Variants in FSTL5 observed in about 807,000 individuals in gnomAD.
FSTL5 encodes follistatin like 5.
A neutral mutation model predicts 89.1 loss-of-function variants in FSTL5; 62 were observed. The ratio of observed to expected loss-of-function variants is 0.70; its 90% confidence interval spans 0.57 to 0.86. The LOEUF (loss-of-function observed/expected upper bound fraction) is 0.86, where lower values mean the gene tolerates loss of function less well. Among genes scored for constraint, FSTL5 ranks in the 40% least tolerant of loss-of-function variants. The probability of loss-of-function intolerance (pLI) is 0.00; values close to 1 mark genes in which losing one functional copy is unlikely to be tolerated. For synonymous variants in FSTL5, 383 were observed against 346.2 expected, an observed-to-expected ratio of 1.11 and a Z score of -1.18; for missense variants, 1,057 against 1,001.6, an observed-to-expected ratio of 1.06 and a Z score of -0.75.
intron 3 of FSTL5, among the ~76,000 whole-genome samples, chr4:161,993,781 T>C (rs1205824589): frequency 6.6e-6 from 1 of 152,136 alleles, no homozygotes; most frequent in African/African-American, 2.4e-5. Context: ...TTATTTTCAT[T>C]TGATTTTTAG....
intron 9 of FSTL5, among the ~76,000 whole-genome samples, chr4:161,540,044 T>C (rs1731765632): frequency 9.9e-5 from 15 of 152,114 alleles, no homozygotes; most frequent in Admixed American, 9.2e-4. Flanking sequence ...ATATGTCCCA[T>C]TGTCTTTCCT....
At chr4:161,725,516 T>C (rs1474440163) in intron 6 of FSTL5, among the ~76,000 whole-genome samples, 1 of 151,494 alleles carries the variant, frequency 6.6e-6, no homozygotes, top group Non-Finnish European at 1.5e-5. Context: ...TAAAATATTA[T>C]GAAATATATA....
intron 3 of FSTL5, among the ~76,000 whole-genome samples, chr4:161,929,715 C>T (rs1392067519): frequency 1.4e-5 from 2 of 142,460 alleles, no homozygotes; most frequent in Admixed American, 7.1e-5. Flanking sequence ...ATAGTTTAAA[C>T]TTGGAAATTA....
intron 3 of FSTL5, among the ~76,000 whole-genome samples, chr4:161,973,721 G>A (rs1299966559): frequency 6.6e-6 from 1 of 152,180 alleles, no homozygotes; most frequent in South Asian, 2.1e-4. Flanking sequence ...TTGATGACAA[G>A]AGAGTGGAAA....
chr4:161,813,231 G>C (rs1354802551), intron 4 of FSTL5, among the ~76,000 whole-genome samples: 1 of 151,896 alleles, frequency 6.6e-6, no homozygotes, highest in Non-Finnish European at 1.5e-5. Context: ...GGGTTTCACC[G>C]TGTTAGCAAG....
At chr4:161,568,129 T>C (rs1390122100) in intron 8 of FSTL5, among the ~76,000 whole-genome samples, 1 of 151,938 alleles carries the variant, frequency 6.6e-6, no homozygotes, top group Non-Finnish European at 1.5e-5. Context: ...AGTCCATATT[T>C]GCCATATATC....
chr4:161,842,594 C>A (rs1172528244), intron 4 of FSTL5, among the ~76,000 whole-genome samples: 1 of 151,952 alleles, frequency 6.6e-6, no homozygotes, highest in African/African-American at 2.4e-5. Flanking sequence ...TAATAATTTC[C>A]TATGTCCCAA....
At chr4:161,638,958 C>G (rs11732529) in intron 7 of FSTL5, among the ~76,000 whole-genome samples, 26,594 of 144,228 alleles carry the variant, frequency 0.18, 2,665 homozygotes, top group East Asian at 0.35. Flanking sequence ...ACCCTTCATG[C>G]TAAAAACTCT....
chr4:161,474,474 T>A (rs1466805649), intron 13 of FSTL5, among the ~76,000 whole-genome samples: 1 of 152,078 alleles, frequency 6.6e-6, no homozygotes, highest in African/African-American at 2.4e-5. Context: ...TATTAGATTT[T>A]GTGATTGTCC....
In FSTL5 at chr4:161,499,031, G is replaced by A. The variant is rs115807319; in HGVS notation, c.1458+985C>T. 4.5e-3 allele frequency among the ~76,000 whole-genome samples: 682 copies of A among 151,966 alleles called. 9 individuals are homozygous for A. The highest frequency in any genetic ancestry group is 0.014 in the African/African-American group (588 of 41,460). Reference sequence around the variant, plus strand: ...CTGGCCAACATGGTGAAACCACCACGTCTCTATGAAAAATACAGAAATTAG... The same window carrying A: ...CTGGCCAACATGGTGAAACCACCACATCTCTATGAAAAATACAGAAATTAG... On this transcript the variant is annotated intron_variant, in intron 12 of 15. Transcript: ENST00000306100.
At chr4:161,553,144 T>A (rs1189775442) in intron 8 of FSTL5, among the ~76,000 whole-genome samples, 1 of 151,646 alleles carries the variant, frequency 6.6e-6, no homozygotes, top group Non-Finnish European at 1.5e-5. Context: ...TAATTCCATA[T>A]GATATTTGAT....
intron 1 of FSTL5, among the ~76,000 whole-genome samples, chr4:162,143,840 A>G (rs1732860025): frequency 2.6e-5 from 4 of 151,268 alleles, no homozygotes; most frequent in Admixed American, 2.6e-4. Context: ...ACACGGCAGG[A>G]AAAAAAATAC....
chr4:161,932,035 C>T (rs148421408), intron 3 of FSTL5, among the ~76,000 whole-genome samples: 4 of 151,774 alleles, frequency 2.6e-5, no homozygotes, highest in East Asian at 1.9e-4. Flanking sequence ...TTTAGAGTAA[C>T]GGTTCTAATT....
chr4:162,076,856 A>G (rs1372866869), intron 2 of FSTL5, among the ~76,000 whole-genome samples: 1 of 151,826 alleles, frequency 6.6e-6, no homozygotes. Context: ...ATTGAACCAT[A>G]TAGGTTGCTG....
intron 2 of FSTL5, among the ~76,000 whole-genome samples, chr4:162,060,468 G>A (rs73861049): frequency 0.11 from 16,701 of 151,808 alleles, 975 homozygotes; most frequent in East Asian, 0.25. Context: ...GTCTATCTAA[G>A]CTTCAAAATT....
intron 1 of FSTL5, among the ~76,000 whole-genome samples, chr4:162,141,553 G>C (rs1320451197): frequency 6.6e-6 from 1 of 152,150 alleles, no homozygotes; most frequent in Non-Finnish European, 1.5e-5. Flanking sequence ...CTGTAGAACC[G>C]TAAGCCAAAT....
intron 15 of FSTL5, among the ~76,000 whole-genome samples, chr4:161,434,588 A>T (rs1324292407): frequency 6.6e-6 from 1 of 152,114 alleles, no homozygotes; most frequent in Non-Finnish European, 1.5e-5. Flanking sequence ...ATCAAATTAA[A>T]AAGCTTCTGC....
chr4:161,525,210 C>G (rs1731175776), intron 10 of FSTL5, among the ~76,000 whole-genome samples: 1 of 152,134 alleles, frequency 6.6e-6, no homozygotes, highest in African/African-American at 2.4e-5. Context: ...GAAAGGACTT[C>G]AAGACTTTCT....
chr4:162,069,415 G>A, intron 2 of FSTL5, among the ~76,000 whole-genome samples: 1 of 151,538 alleles, frequency 6.6e-6, no homozygotes, highest in East Asian at 2.0e-4. Context: ...TTCTCTTTTA[G>A]GTATTTTAAA....
Sources: allele counts gnomAD v4.1 joint callset (sites outside exome capture counted in the v4.1 genomes callset), GRCh38; gene constraint gnomAD v4.1.1; transcripts MANE v1.5; gene names NCBI Gene and HGNC (gene_info 2026-07-23, HGNC 2026-07-21).